CEP131: variants seen among roughly 807,000 people sequenced by gnomAD.
CEP131 encodes the protein centrosomal protein 131, also known as centrosomal protein of 131 kDa.
A neutral mutation model predicts 136.8 loss-of-function variants in CEP131; 99 were observed. The observed-to-expected ratio is 0.72, with a 90% CI of 0.62 to 0.86. The LOEUF (loss-of-function observed/expected upper bound fraction) is 0.86, where lower values mean the gene tolerates loss of function less well. Ranked by LOEUF, CEP131 falls within the 40% of genes least tolerant of loss-of-function variation. The probability of loss-of-function intolerance (pLI) is 0.00; values close to 1 mark genes in which losing one functional copy is unlikely to be tolerated. For synonymous variants in CEP131, 646 were observed against 612.7 expected (o/e 1.05, Z -0.80); for missense variants, 1,459 against 1,463.0 (o/e 1.00, Z 0.04).
In CEP131 at chr17:81,198,880, C is replaced by T. The variant is rs756636631; in HGVS notation, c.1284G>A (p.Thr428=). Residue 428 remains threonine (T), a synonymous_variant, in exon 11 of 26, where the codon ACG becomes ACA. Coordinates refer to ENST00000450824, the MANE Select transcript of CEP131 (RefSeq NM_014984.4). ...TGAAGGACAGCTGTGCTCAGACCTG[C>T]GTCCTGTCCTCTGGAGGCTGCTGTG... The part of the protein sequence containing the change: ...PEPQQPPEDR[T]QDVLAQDAAG... 3.8e-6 allele frequency: 6 copies of T among 1,582,900 alleles called. No homozygotes were observed. The highest frequency in any genetic ancestry group is 3.5e-5 in the South Asian group (3 of 86,454).
At chr17:81,207,077 C>T in intron 4 of CEP131, 48 bp downstream of exon 4, 1 of 1,577,582 alleles carries the variant, frequency 6.3e-7, no homozygotes, top group Non-Finnish European at 8.6e-7. Flanking sequence ...AACCAGGCCA[C>T]AATCCCATCA....
intron 13 of CEP131, 137 bp downstream of exon 13, chr17:81,197,575 T>C: frequency 7.8e-7 from 1 of 1,275,466 alleles, no homozygotes; most frequent in African/African-American, 1.6e-5. Context: ...GGGGGCCGGG[T>C]GGGGGCTGGC....
At chr17:81,191,130 G>GGGTCC in intron 22 of CEP131, 46 bp from the exon 23 acceptor site, 1 of 1,604,298 alleles carries the variant, frequency 6.2e-7, no homozygotes, top group African/African-American at 1.3e-5. Context: ...AGTCACACAC[G>GGGTCC]GGTCCTTGCG....
rs2062029403 is a variant in CEP131 at position 81,207,302 on chromosome 17, A to C, written c.273-63T>G. 2.7e-6 allele frequency: 4 copies of C among 1,477,480 alleles called. No homozygotes were observed. In the South Asian group the frequency reaches 4.6e-5, roughly 17 times the overall value. 91.5% of individuals were successfully genotyped at this position (1,477,480 alleles called of 1,614,324 possible). On this transcript the variant is annotated intron_variant, in intron 3 of 25. Coordinates refer to ENST00000450824, the MANE Select transcript of CEP131 (RefSeq NM_014984.4). ...ACCAGCCGGGAAGCCGACGCTAGGC[A>C]CACAGACCAGGCAGGTCCCGCGAGG...
intron 16 of CEP131, 59 bp from the exon 17 acceptor site, chr17:81,195,031 C>T: frequency 1.5e-6 from 2 of 1,350,394 alleles, no homozygotes; most frequent in Non-Finnish European, 2.1e-6. Context: ...CCCTTTGCCA[C>T]CCTGTGGGCA....
Position 81,198,293 on chromosome 17 carries a change from AC to A in CEP131, c.1291del (p.Val431PhefsTer13). On this transcript the variant is annotated frameshift_variant, in exon 12 of 26. Transcript: ENST00000450824. LOFTEE classifies it high-confidence loss of function. ...GTCCCCAGCTGCATCCTGGGCAAGAACGTCCTGCAAAAGAGCAGGGAGACAG... is the reference window on the plus strand; with the variant it reads ...GTCCCCAGCTGCATCCTGGGCAAGAAGTCCTGCAAAAGAGCAGGGAGACAG... ...QQPPEDRTQD[V>X]LAQDAAGDNL... 1.1e-5 allele frequency: 18 copies of A among 1,596,208 alleles called. No individual in the cohort carries two copies. The highest frequency in any genetic ancestry group is 1.5e-5 in the Non-Finnish European group (18 of 1,170,524).
rs1598257707 is a variant in CEP131 at position 81,189,732 on chromosome 17, G to A, written c.*37C>T. The A allele has an allele frequency of 6.4e-7, 1 of 1,559,102 alleles. No individual in the cohort carries two copies. The highest frequency in any genetic ancestry group is 1.2e-5 in the South Asian group (1 of 83,270). ...GGCCCACGTCCAGCCTCTGTCCTCT[G>A]CCTTCCGTTCTTCGACAGTGTTCCC... On this transcript the variant is annotated 3_prime_UTR_variant, in exon 26 of 26. Transcript: ENST00000450824.
Position 81,192,585 on chromosome 17 carries a change from G to T in CEP131, c.2438C>A (p.Ala813Glu). The change falls in exon 20 of 26, where the codon GCG (alanine) becomes GAG (glutamate). Residue 813 changes from alanine to glutamate, a missense_variant. Physicochemically the swap from Ala to Glu is moderately radical, Grantham distance 107. Around this residue, in one of 3 missense-constraint regions of CEP131, gnomAD observed 1,026 missense variants for 964.2 expected, o/e 1.06. Coordinates refer to ENST00000450824, the MANE Select transcript of CEP131 (RefSeq NM_014984.4). ...CTGCTGCCTCAGCTCTTCCAGCTCC[G>T]CCCGCTGCCTGCGGCCAGGGAGGAG... ...RLGQQAARQRAELEELRQQLE... is the reference protein window; with the variant it reads ...RLGQQAARQREELEELRQQLE... 1 of 1,604,712 alleles carries T rather than the reference G, an allele frequency of 6.2e-7. No individual in the cohort carries two copies. Among genetic ancestry groups the T allele is most frequent in the Middle Eastern group, 2.0e-4 (1 of 4,992 alleles).
rs1386588748 is a variant in CEP131 at position 81,192,345 on chromosome 17, C to T, written c.2595G>A (p.Ala865=). ...CCTTCCTGGTGCGGCCGGCCTCCCA[C>T]GCCTGCCTCTCCAGCTCCAGCTGCT... ...LKQQLELERQ[A]WEAGRTRKEE... is the part of the protein sequence containing the mutation. The change falls in exon 21 of 26, where the codon GCG becomes GCA. Residue 865 remains alanine (A), a synonymous_variant. Transcript: ENST00000450824. 3.8e-6 allele frequency: 6 copies of T among 1,575,584 alleles called. No homozygotes were observed. Among genetic ancestry groups the T allele is most frequent in the African/African-American group, 1.4e-5 (1 of 74,056 alleles).
chr17:81,199,394 C>A lies in CEP131; in HGVS notation c.1179G>T (p.Lys393Asn). 1.2e-6 allele frequency: 2 copies of A among 1,603,966 alleles called. No individual in the cohort carries two copies. The highest frequency in any genetic ancestry group is 3.4e-5 in the Admixed American group (2 of 58,726). Residue 393 changes from lysine (K) to asparagine (N), a missense_variant, in exon 10 of 26, where the codon AAG becomes AAT. Lys to Asn is a moderately conservative substitution (Grantham distance 94). Around this residue, in one of 3 missense-constraint regions of CEP131, gnomAD observed 1,026 missense variants for 964.2 expected, o/e 1.06. Coordinates refer to ENST00000450824, the MANE Select transcript of CEP131 (RefSeq NM_014984.4). ...TPGGTAHQAL[K>N]ANNTGGGLPA... ...AGCCACTCTCACCAGTATTGTTGGC[C>A]TTGAGGGCCTGGTGGGCAGTGCCGC... is the stretch of plus-strand genomic sequence containing the variant.
chr17:81,195,034 T>A, intron 16 of CEP131, 62 bp from the exon 17 acceptor site: 1 of 1,317,630 alleles, frequency 7.6e-7, no homozygotes, highest in Non-Finnish European at 1.1e-6. Context: ...TTTGCCACCC[T>A]GTGGGCACAG....
intron 11 of CEP131, among the ~76,000 whole-genome samples, chr17:81,198,640 C>A (rs1013843455): frequency 6.6e-6 from 1 of 152,190 alleles, no homozygotes; most frequent in Non-Finnish European, 1.5e-5. Flanking sequence ...ATGCAAGGCC[C>A]CCCACCCCAG....
At chr17:81,212,571 C>A in intron 2 of CEP131, among the ~76,000 whole-genome samples, 1 of 149,830 alleles carries the variant, frequency 6.7e-6, no homozygotes, top group African/African-American at 2.4e-5. Flanking sequence ...TCCCGAGGAG[C>A]CGTGGGCAGG....
intron 5 of CEP131, among the ~76,000 whole-genome samples, chr17:81,204,276 G>A (rs796623705): frequency 8.5e-4 from 129 of 152,238 alleles, no homozygotes; most frequent in African/African-American, 2.8e-3. Context: ...CACTTGAGCC[G>A]CTAGCATCCA....
chr17:81,198,167 A>G lies in CEP131; in HGVS notation c.1418T>C (p.Val473Ala), dbSNP rs2659016. Residue 473 changes from valine to alanine, a missense_variant, in exon 12 of 26, where the codon GTG (valine) becomes GCG (alanine). Val to Ala is a moderately conservative substitution (Grantham distance 64, BLOSUM62 0). Around this residue, in one of 3 missense-constraint regions of CEP131, gnomAD observed 1,026 missense variants for 964.2 expected, o/e 1.06. Transcript: ENST00000450824. ...TLQLLEKEPD[V>A]LPRPRTHHRG... ...GTGATGGGTCCTGGGGCGGGGCAGCACGTCCGGCTCCTTCTCCAGCAGCTG... is the reference window on the plus strand; with the variant it reads ...GTGATGGGTCCTGGGGCGGGGCAGCGCGTCCGGCTCCTTCTCCAGCAGCTG... The G allele has an allele frequency of 0.99, 1,565,678 of 1,574,724 alleles. 778,763 individuals carry two copies. The highest frequency in any genetic ancestry group is 1 in the East Asian group (42,386 of 42,388).
At chr17:81,210,988 C>A (rs1008102237) in intron 2 of CEP131, among the ~76,000 whole-genome samples, 1 of 152,108 alleles carries the variant, frequency 6.6e-6, no homozygotes, top group Non-Finnish European at 1.5e-5. Context: ...GCAGCAGAGC[C>A]GGTTAAAGGA....
chr17:81,210,758 C>T (rs1423976536), intron 2 of CEP131, among the ~76,000 whole-genome samples: 1 of 151,170 alleles, frequency 6.6e-6, no homozygotes, highest in African/African-American at 2.4e-5. Context: ...GGAAAAGAGA[C>T]CTATGAACTT....
chr17:81,219,553 C>T lies in CEP131; in HGVS notation c.177+327G>A, dbSNP rs1403666221. Among the ~76,000 whole-genome samples, 1 of 152,114 alleles carries T rather than the reference C, an allele frequency of 6.6e-6. No homozygotes were observed. The highest frequency in any genetic ancestry group is 1.5e-5 in the Non-Finnish European group (1 of 68,026). On this transcript the variant is annotated intron_variant, in intron 2 of 25. Coordinates refer to ENST00000450824, the MANE Select transcript of CEP131 (RefSeq NM_014984.4). The surrounding 1 kb of genome is among the most constrained non-coding windows in gnomAD (Gnocchi z 4.0). ...CCTCAGATGACCCGCCTGCCTCGGC[C>T]TCCCAAAGTGCTGAGATTACAGGCG...
intron 1 of CEP131, among the ~76,000 whole-genome samples, chr17:81,221,135 A>C (rs1360306823): frequency 5.3e-5 from 8 of 151,112 alleles, no homozygotes; most frequent in East Asian, 2.0e-4. Context: ...AAAAAAAAAA[A>C]AAAAAAAAAA....
Sources: gnomAD v4.1 joint callset for allele counts (sites outside exome capture counted in the v4.1 genomes callset) on GRCh38, gnomAD v4.1.1 for gene constraint, gnomAD v4.1.1 regional missense constraint, Gnocchi (gnomAD v3.1) non-coding constraint, MANE v1.5 for transcripts, NCBI Gene and HGNC (gene_info 2026-07-23, HGNC 2026-07-21) for gene names.